The following NBEA variants were observed in gnomAD, a reference collection of about 807,000 sequenced individuals.
The protein encoded by NBEA is lysosomal-trafficking regulator 2.
NBEA carries 44 observed loss-of-function variants against 343.4 expected under a neutral mutation model. That is an observed-to-expected ratio of 0.13 (90% CI 0.10 to 0.16). NBEA has a LOEUF of 0.16. Among genes scored for constraint, NBEA ranks in the 10% least tolerant of loss-of-function variants. The pLI is 1.00. For missense variants in NBEA, 2,555 were observed against 3,631.3 expected (o/e 0.70, Z 7.62); for synonymous variants, 1,175 against 1,238.7 (o/e 0.95, Z 1.08).
intron 34 of NBEA, among the ~76,000 whole-genome samples, chr13:35,287,546 A>C (rs2035511995): frequency 6.6e-6 from 1 of 152,032 alleles, no homozygotes; most frequent in Non-Finnish European, 1.5e-5. Flanking sequence ...CCAAGCTATA[A>C]AGGTTTTTTT....
chr13:35,510,557 G>C (rs766952499), intron 41 of NBEA, among the ~76,000 whole-genome samples: 2 of 152,072 alleles, frequency 1.3e-5, no homozygotes, highest in Non-Finnish European at 2.9e-5. Flanking sequence ...TCTTGCACCA[G>C]ATTTTTTACC....
At chr13:35,080,481 T>G (rs2064336508) in intron 10 of NBEA, among the ~76,000 whole-genome samples, 1 of 152,162 alleles carries the variant, frequency 6.6e-6, no homozygotes, top group African/African-American at 2.4e-5. Flanking sequence ...ATTATGTAAT[T>G]TCTAGATATT....
At chr13:35,533,603 C>A (rs2078379386) in intron 41 of NBEA, among the ~76,000 whole-genome samples, 1 of 152,156 alleles carries the variant, frequency 6.6e-6, no homozygotes, top group Admixed American at 6.6e-5. Context: ...CATAGATCAA[C>A]TGCCCTATTA....
At chr13:35,422,575 T>A (rs1176722768) in intron 38 of NBEA, among the ~76,000 whole-genome samples, 7 of 152,170 alleles carry the variant, frequency 4.6e-5, no homozygotes, top group Admixed American at 2.6e-4. Context: ...TGGTTCCAAG[T>A]CTTTGCTATT....
intron 34 of NBEA, among the ~76,000 whole-genome samples, chr13:35,270,434 G>A (rs1018399394): frequency 2.0e-5 from 3 of 152,186 alleles, no homozygotes; most frequent in Non-Finnish European, 4.4e-5. Flanking sequence ...GGTGATTTCT[G>A]CATTTCTAAG....
At chr13:35,090,061 AAAAT>A (rs71078079) in intron 10 of NBEA, among the ~76,000 whole-genome samples, 39 of 145,176 alleles carry the variant, frequency 2.7e-4, no homozygotes, top group African/African-American at 6.3e-4. Context: ...AAAGTATAAT[AAAAT>A]AAATAAATAA....
At chr13:35,590,216 A>T (rs552377362) in intron 46 of NBEA, among the ~76,000 whole-genome samples, 1 of 152,140 alleles carries the variant, frequency 6.6e-6, no homozygotes, top group African/African-American at 2.4e-5. Flanking sequence ...AGGGAAACAC[A>T]TGGAAAAAGC....
chr13:35,445,248 C>A (rs910349865), intron 39 of NBEA, among the ~76,000 whole-genome samples: 3 of 152,034 alleles, frequency 2.0e-5, no homozygotes, highest in Non-Finnish European at 2.9e-5. Context: ...AGCAATAAAG[C>A]ATTAACTATG....
chr13:35,186,161 A>G (rs1438643470), intron 30 of NBEA: 1 of 152,110 alleles, frequency 6.6e-6, no homozygotes, highest in African/African-American at 2.4e-5. Flanking sequence ...AAAATTAACC[A>G]GGCATGGTGG....
intron 1 of NBEA, among the ~76,000 whole-genome samples, chr13:34,993,602 G>A (rs888959275): frequency 1.3e-5 from 2 of 152,186 alleles, no homozygotes; most frequent in African/African-American, 4.8e-5. Flanking sequence ...CTCAGAGTGA[G>A]GAAGTTAGTC....
chr13:34,949,364 T>C (rs1419311943), intron 1 of NBEA, among the ~76,000 whole-genome samples: 1 of 152,150 alleles, frequency 6.6e-6, no homozygotes, highest in Non-Finnish European at 1.5e-5. Flanking sequence ...CTTAAGTAAA[T>C]TGACGAAAAA....
chr13:35,535,931 A>T (rs964529579), intron 41 of NBEA, among the ~76,000 whole-genome samples: 4 of 152,246 alleles, frequency 2.6e-5, no homozygotes, highest in Admixed American at 2.0e-4. Context: ...GTAGATACAC[A>T]GTAAAATAGA....
intron 5 of NBEA, among the ~76,000 whole-genome samples, chr13:35,049,287 G>T (rs1454620665): frequency 6.6e-6 from 1 of 151,692 alleles, no homozygotes; most frequent in Non-Finnish European, 1.5e-5. Flanking sequence ...TGTATGCTAG[G>T]CATTGTAAGT....
intron 1 of NBEA, among the ~76,000 whole-genome samples, chr13:34,973,837 G>A (rs1392362693): frequency 2.0e-5 from 3 of 152,160 alleles, no homozygotes; most frequent in Non-Finnish European, 4.4e-5. Flanking sequence ...CTTCCCAGGG[G>A]TATGTACGGA....
At chr13:35,238,817 A>C (rs989270844) in intron 34 of NBEA, among the ~76,000 whole-genome samples, 4 of 152,144 alleles carry the variant, frequency 2.6e-5, no homozygotes, top group African/African-American at 9.7e-5. Flanking sequence ...ATAATACTCA[A>C]GAATATTTAT....
chr13:35,019,525 C>T (rs1427206229), intron 1 of NBEA, among the ~76,000 whole-genome samples: 1 of 152,044 alleles, frequency 6.6e-6, no homozygotes, highest in Admixed American at 6.6e-5. Context: ...TCTCGAACTC[C>T]TGACCTCAAG....
At chr13:35,626,543 A>G (rs1159467974) in intron 48 of NBEA, among the ~76,000 whole-genome samples, 1 of 152,222 alleles carries the variant, frequency 6.6e-6, no homozygotes, top group Non-Finnish European at 1.5e-5. Context: ...ATCTGATTCC[A>G]TAACTAAATT....
At chr13:35,051,034 T>G (rs1353983262) in intron 6 of NBEA, among the ~76,000 whole-genome samples, 1 of 152,022 alleles carries the variant, frequency 6.6e-6, no homozygotes, top group Non-Finnish European at 1.5e-5. Context: ...TTATAAGAGA[T>G]AATTCATTCA....
intron 1 of NBEA, among the ~76,000 whole-genome samples, chr13:35,003,766 CTT>C (rs908546579): frequency 6.6e-6 from 1 of 151,988 alleles, no homozygotes; most frequent in African/African-American, 2.4e-5. Flanking sequence ...GCTTTGTCGT[CTT>C]TTTTTAAGAA....
Sources: gnomAD v4.1 joint callset for allele counts (sites outside exome capture counted in the v4.1 genomes callset) on GRCh38, gnomAD v4.1.1 for gene constraint, MANE v1.5 for transcripts, NCBI Gene and HGNC (gene_info 2026-07-23, HGNC 2026-07-21) for gene names.